Variants in HDAC1 observed in about 807,000 individuals in gnomAD.
HDAC1 encodes the protein histone deacetylase 1, also known as protein deacetylase HDAC1.
Under a neutral mutation model 65.5 loss-of-function variants are expected in HDAC1, and 18 were observed. The ratio of observed to expected loss-of-function variants is 0.27; its 90% confidence interval spans 0.19 to 0.41. HDAC1 has a LOEUF of 0.41. HDAC1 is among the 10% of genes least tolerant of loss of function. The probability of loss-of-function intolerance (pLI) is 1.00; values close to 1 mark genes in which losing one functional copy is unlikely to be tolerated. For synonymous variants in HDAC1, 211 were observed against 227.9 expected, an observed-to-expected ratio of 0.93 and a Z score of 0.67; for missense variants, 373 against 625.2, an observed-to-expected ratio of 0.60 and a Z score of 4.30.
chr1:32,292,162 C>G lies in HDAC1; in HGVS notation c.-8C>G, dbSNP rs779780173. The G allele has an allele frequency of 3.9e-6, 6 of 1,547,948 alleles. No homozygotes were observed. Among genetic ancestry groups the G allele is most frequent in the Non-Finnish European group, 2.6e-6 (3 of 1,146,168 alleles). ...ACCGACTGACGGTAGGGACGGGAGGCGAGCAAGATGGCGCAGACGCAGGGC... is the reference window on the plus strand; with the variant it reads ...ACCGACTGACGGTAGGGACGGGAGGGGAGCAAGATGGCGCAGACGCAGGGC... On this transcript the variant is annotated 5_prime_UTR_variant, in exon 1 of 14. Transcript: ENST00000373548.
At chr1:32,313,569 A>G (rs752900752) in intron 2 of HDAC1, among the ~76,000 whole-genome samples, 1 of 152,228 alleles carries the variant, frequency 6.6e-6, no homozygotes, top group Non-Finnish European at 1.5e-5. Flanking sequence ...CAGAGGAAAC[A>G]ATAAATGTTG....
At chr1:32,332,783 G>A in intron 13 of HDAC1, 34 bp downstream of exon 13, 1 of 1,527,354 alleles carries the variant, frequency 6.5e-7, no homozygotes, top group African/African-American at 1.4e-5. Context: ...CATCTCCCTG[G>A]CATTGGAGCA....
intron 1 of HDAC1, among the ~76,000 whole-genome samples, chr1:32,294,546 C>A (rs1640741358): frequency 7.0e-6 from 1 of 143,216 alleles, no homozygotes. Context: ...GAGTCTCGCT[C>A]TGTCGCCCAG....
chr1:32,316,847 G>A (rs1641072258), intron 3 of HDAC1, 65 bp downstream of exon 3: 1 of 982,120 alleles, frequency 1.0e-6, no homozygotes, highest in African/African-American at 1.6e-5. Flanking sequence ...CACTGTAGAG[G>A]CCCATTCTGC....
At chr1:32,324,632 T>C in intron 4 of HDAC1, 79 bp downstream of exon 4, 1 of 938,074 alleles carries the variant, frequency 1.1e-6, no homozygotes, top group Non-Finnish European at 1.8e-6. Context: ...CTATCCTAGT[T>C]GGCTGATCTG....
In HDAC1 at chr1:32,330,488, G is replaced by T. The variant is rs866943523; in HGVS notation, c.730-90G>T. 8.4e-5 allele frequency: 71 copies of T among 843,430 alleles called. No individual in the cohort carries two copies. The Middle Eastern group carries it at 3.7e-3, about 43-fold the overall frequency. The allele number at this position is 843,430 out of a possible 1,614,324, so 52.2% of individuals were successfully genotyped here. On this transcript the variant is annotated intron_variant, in intron 7 of 13. Coordinates refer to ENST00000373548, the MANE Select transcript of HDAC1 (RefSeq NM_004964.3). This position sits in a 1 kb window ranked among gnomAD's most constrained non-coding sequence, Gnocchi z 4.2. ...CATGAGGGAGAGTGGAAAGGTAGGA[G>T]TGGGTGGGAAAGTGTTGCACCCAGC...
rs533417385 is a variant in HDAC1 at position 32,292,135 on chromosome 1, G to T, written c.-35G>T. Reference sequence around the variant, plus strand: ...CGGAGCCGCGGGCGGGAGGGCGGACGGACCGACTGACGGTAGGGACGGGAG... The same window carrying T: ...CGGAGCCGCGGGCGGGAGGGCGGACTGACCGACTGACGGTAGGGACGGGAG... On this transcript the variant is annotated 5_prime_UTR_variant, in exon 1 of 14. Coordinates refer to ENST00000373548, the MANE Select transcript of HDAC1 (RefSeq NM_004964.3). 21 of 1,545,798 alleles carry T rather than the reference G, an allele frequency of 1.4e-5. 1 individual carries two copies. Among genetic ancestry groups the T allele is most frequent in the African/African-American group, 5.5e-5 (4 of 72,890 alleles).
Position 32,327,941 on chromosome 1 carries a change from T to C in HDAC1, c.636+264T>C, listed in dbSNP as rs1641241476. On this transcript the variant is annotated intron_variant, in intron 6 of 13. Transcript: ENST00000373548. This position sits in a 1 kb window ranked among gnomAD's most constrained non-coding sequence, Gnocchi z 6.0. ...GCCACAGCTGGGTTGCATCACACTA[T>C]TCTTATGTCTCATAAGCCTTGAGTT... Among the ~76,000 whole-genome samples the C allele has an allele frequency of 1.3e-5, 2 of 152,198 alleles. No homozygotes were observed. The highest frequency in any genetic ancestry group is 1.3e-4 in the Admixed American group (2 of 15,280).
chr1:32,329,010 C>T lies in HDAC1; in HGVS notation c.637-58C>T. 9.6e-7 allele frequency: 1 copy of T among 1,043,952 alleles called. No individual in the cohort carries two copies. The highest frequency in any genetic ancestry group is 1.5e-6 in the Non-Finnish European group (1 of 660,660). 64.7% of individuals were successfully genotyped at this position (1,043,952 alleles called of 1,614,324 possible). On this transcript the variant is annotated intron_variant, in intron 6 of 13. Coordinates refer to ENST00000373548, the MANE Select transcript of HDAC1 (RefSeq NM_004964.3). This position sits in a 1 kb window ranked among gnomAD's most constrained non-coding sequence, Gnocchi z 4.1. ...CTTCCTTTATCCCTCCAGCCCCTATCCTTGACCTTCCTTCAAGCTTCATCC... is the reference window on the plus strand; with the variant it reads ...CTTCCTTTATCCCTCCAGCCCCTATTCTTGACCTTCCTTCAAGCTTCATCC...
chr1:32,303,166 C>CT (rs780643106), intron 2 of HDAC1, among the ~76,000 whole-genome samples: 1 of 152,042 alleles, frequency 6.6e-6, no homozygotes, highest in Non-Finnish European at 1.5e-5. Context: ...GAGCAAGACT[C>CT]TGTCTTAAAA....
At position 32,332,703 on chromosome 1, in the gene HDAC1, G is replaced by C. The variant is rs1641311811; in HGVS notation, c.1375G>C (p.Val459Leu). 1 of 1,554,518 alleles carries C rather than the reference G, an allele frequency of 6.4e-7. No individual in the cohort carries two copies. The highest frequency in any genetic ancestry group is 1.4e-5 in the African/African-American group (1 of 73,368). Reference sequence around the variant, plus strand: ...ATCCCTGTACTCTTGTGTTCTAGAAGTCACCGAAGAGGAGAAAACCAAGGA... The same window carrying C: ...ATCCCTGTACTCTTGTGTTCTAGAACTCACCGAAGAGGAGAAAACCAAGGA... ...KEKDPEEKKE[V>L]TEEEKTKEEK... Residue 459 changes from valine (V) to leucine (L), a missense_variant and splice_region_variant, in exon 13 of 14, where the codon GTC (valine) becomes CTC (leucine). Transcript: ENST00000373548.
intron 3 of HDAC1, among the ~76,000 whole-genome samples, chr1:32,320,240 C>A (rs1299500456): frequency 1.3e-5 from 2 of 150,970 alleles, no homozygotes; most frequent in African/African-American, 2.4e-5. Flanking sequence ...AAAAAAAAAC[C>A]CACACACACA....
At chr1:32,328,996 C>T (rs1641255849) in intron 6 of HDAC1, 72 bp from the exon 7 acceptor site, 2 of 909,302 alleles carry the variant, frequency 2.2e-6, no homozygotes, top group Non-Finnish European at 3.7e-6. Context: ...TTCCTTTATC[C>T]CTCCAGCCCC....
In HDAC1 at chr1:32,332,209, G is replaced by C. The variant is rs914883379; in HGVS notation, c.1339G>C (p.Asp447His). The C allele has an allele frequency of 1.2e-6, 2 of 1,613,196 alleles. No individual in the cohort carries two copies. The highest frequency in any genetic ancestry group is 2.7e-5 in the African/African-American group (2 of 74,842). The stretch of plus-strand genomic sequence containing the variant: ...AAAAGCCAAGAGAGTCAAAACAGAG[G>C]ATGAAAAAGAGAAAGACCCAGAGGA... Reference protein sequence around the residue: ...FKKAKRVKTEDEKEKDPEEKK... With the variant: ...FKKAKRVKTEHEKEKDPEEKK... The change falls in exon 12 of 14, where the codon GAT (aspartate) becomes CAT (histidine). Residue 447 changes from aspartate (D) to histidine (H), a missense_variant. Asp to His is a moderately conservative substitution (Grantham distance 81). Transcript: ENST00000373548.
chr1:32,316,732 G>T lies in HDAC1; in HGVS notation c.230G>T (p.Arg77Leu), dbSNP rs747213333. The T allele has an allele frequency of 4.3e-6, 7 of 1,613,656 alleles. No individual in the cohort carries two copies. In the Admixed American group the frequency reaches 8.3e-5, roughly 19 times the overall value. ...YHSDDYIKFL[R>L]SIRPDNMSEY... ...AGCGATGACTACATTAAATTCTTGC[G>T]CTCCATCCGTCCAGATAACATGTCG... Residue 77 changes from arginine to leucine, a missense_variant, in exon 3 of 14, where the codon CGC (arginine) becomes CTC (leucine). Transcript: ENST00000373548.
chr1:32,330,706 G>A lies in HDAC1; in HGVS notation c.838+20G>A, dbSNP rs781215783. 8 of 1,613,676 alleles carry A rather than the reference G, an allele frequency of 5.0e-6. No homozygotes were observed. The highest frequency in any genetic ancestry group is 1.3e-5 in the African/African-American group (1 of 74,912). ...TCAAAGGTGAGACCAGGTAGCACAA[G>A]GATGGGTGGGCGGGGTCCTGCTTGG... is the stretch of plus-strand genomic sequence containing the variant. On this transcript the variant is annotated intron_variant, in intron 8 of 13. Coordinates refer to ENST00000373548, the MANE Select transcript of HDAC1 (RefSeq NM_004964.3). This position sits in a 1 kb window ranked among gnomAD's most constrained non-coding sequence, Gnocchi z 4.2.
At position 32,329,236 on chromosome 1, in the gene HDAC1, C is replaced by T. The variant is rs1570039881; in HGVS notation, c.729+76C>T. 2 of 854,960 alleles carry T rather than the reference C, an allele frequency of 2.3e-6. No homozygotes were observed. The highest frequency in any genetic ancestry group is 2.4e-5 in the East Asian group (1 of 41,548). 53.0% of individuals were successfully genotyped at this position (854,960 alleles called of 1,614,324 possible). ...GTGGAGGGGAGCAAAGCACCCCCAC[C>T]ATACCTCAGGAATCTCTCCTTACTA... is the stretch of plus-strand genomic sequence containing the variant. On this transcript the variant is annotated intron_variant, in intron 7 of 13. Coordinates refer to ENST00000373548, the MANE Select transcript of HDAC1 (RefSeq NM_004964.3). This position sits in a 1 kb window ranked among gnomAD's most constrained non-coding sequence, Gnocchi z 4.1.
rs1457775559 is a variant in HDAC1, at chr1:32,292,083, C to T, written c.-87C>T. The T allele has an allele frequency of 8.4e-6, 11 of 1,304,396 alleles. No homozygotes were observed. Among genetic ancestry groups the T allele is most frequent in the Non-Finnish European group, 1.2e-5 (11 of 940,104 alleles). 80.8% of individuals were successfully genotyped at this position (1,304,396 alleles called of 1,614,324 possible). On this transcript the variant is annotated 5_prime_UTR_variant, in exon 1 of 14. Transcript: ENST00000373548. ...CGGGCGGGGCGGGCCGGAGGCCCGC[C>T]CCCTCCCCCCTGGGTCGGACGCTGA...
At chr1:32,313,704 C>CT (rs1298893313) in intron 2 of HDAC1, among the ~76,000 whole-genome samples, 1 of 152,198 alleles carries the variant, frequency 6.6e-6, no homozygotes, top group African/African-American at 2.4e-5. Flanking sequence ...GGCATGGCCA[C>CT]TATCTGTATG....
Sources: allele counts gnomAD v4.1 joint callset (sites outside exome capture counted in the v4.1 genomes callset), GRCh38; gene constraint gnomAD v4.1.1; non-coding constraint Gnocchi (gnomAD v3.1); transcripts MANE v1.5; gene names NCBI Gene and HGNC (gene_info 2026-07-23, HGNC 2026-07-21).